The following CPQ variants were observed in gnomAD, a reference collection of about 807,000 sequenced individuals.
CPQ encodes carboxypeptidase Q, also known as Ser-Met dipeptidase.
A neutral mutation model predicts 45.7 loss-of-function variants in CPQ; 37 were observed. The observed-to-expected ratio is 0.81, with a 90% CI of 0.62 to 1.07. The LOEUF (loss-of-function observed/expected upper bound fraction) is 1.07, where lower values mean the gene tolerates loss of function less well. Among genes scored for constraint, CPQ ranks in the 50% least tolerant of loss-of-function variants. CPQ has a pLI of 0.00. For missense variants in CPQ, 537 were observed against 572.9 expected (o/e 0.94, Z 0.64); for synonymous variants, 186 against 205.8 (o/e 0.90, Z 0.82).
chr8:97,138,354 A>G (rs1563592144), intron 7 of CPQ, among the ~76,000 whole-genome samples: 1 of 152,166 alleles, frequency 6.6e-6, no homozygotes, highest in Non-Finnish European at 1.5e-5. Context: ...GGGAGTAGAT[A>G]GGGGAAAACT....
intron 4 of CPQ, among the ~76,000 whole-genome samples, chr8:96,914,044 A>AT (rs1465843110): frequency 1.3e-5 from 2 of 152,138 alleles, no homozygotes; most frequent in Non-Finnish European, 2.9e-5. Context: ...GACAAAACAG[A>AT]TTTTGTCATT....
intron 1 of CPQ, among the ~76,000 whole-genome samples, chr8:96,748,333 A>G (rs1304834001): frequency 1.3e-5 from 2 of 151,982 alleles, no homozygotes; most frequent in Non-Finnish European, 2.9e-5. Context: ...TCCAAGTATT[A>G]TTTATCTTTG....
At chr8:97,011,348 C>T (rs1374241758) in intron 5 of CPQ, among the ~76,000 whole-genome samples, 1 of 152,172 alleles carries the variant, frequency 6.6e-6, no homozygotes, top group Non-Finnish European at 1.5e-5. Flanking sequence ...CACTTTATCT[C>T]TTTAAAATTG....
At chr8:96,886,907 C>T (rs919081498) in intron 4 of CPQ, among the ~76,000 whole-genome samples, 7 of 152,284 alleles carry the variant, frequency 4.6e-5, no homozygotes, top group East Asian at 3.9e-4. Context: ...CGTCCTTTGT[C>T]GTCTCAGAGT....
intron 4 of CPQ, among the ~76,000 whole-genome samples, chr8:96,934,301 G>A (rs1460793577): frequency 6.6e-6 from 1 of 152,172 alleles, no homozygotes; most frequent in East Asian, 1.9e-4. Flanking sequence ...GTGTTGCTAT[G>A]GCATGGGAAG....
intron 2 of CPQ, among the ~76,000 whole-genome samples, chr8:96,834,685 A>T (rs1037675094): frequency 6.6e-6 from 1 of 152,210 alleles, no homozygotes. Context: ...GGAAAGAATT[A>T]AAAAAGAAGC....
Position 96,802,136 on chromosome 8 carries a change from G to A in CPQ, c.433+16806G>A, listed in dbSNP as rs372319994. Among the ~76,000 whole-genome samples, 352 of 151,310 alleles carry A rather than the reference G, an allele frequency of 2.3e-3. 4 individuals carry two copies. The highest frequency in any genetic ancestry group is 8.3e-3 in the African/African-American group (343 of 41,216). On this transcript the variant is annotated intron_variant, in intron 2 of 7. Transcript: ENST00000220763. ...TTTGTCTCTTTCTTTATTTTTGACT[G>A]TGTCTCTTTGTTTTTATCTCTTTTT...
rs776386723 is a variant in CPQ at position 96,880,006 on chromosome 8, G to T, written c.849+1G>T. 14 of 1,611,918 alleles carry T rather than the reference G, an allele frequency of 8.7e-6. No homozygotes were observed. Among genetic ancestry groups the T allele is most frequent in the South Asian group, 6.6e-5 (6 of 91,000 alleles). Reference sequence around the variant, plus strand: ...CACTGGGAGCAAATATCCAGAACAGGTGAGTGAAGGAGAAGGCTGGCCTAA... The same window carrying T: ...CACTGGGAGCAAATATCCAGAACAGTTGAGTGAAGGAGAAGGCTGGCCTAA... On this transcript the variant is annotated splice_donor_variant, in intron 4 of 7. Transcript: ENST00000220763. LOFTEE classifies it high-confidence loss of function.
Position 96,851,087 on chromosome 8 carries a change from A to G in CPQ, c.641+15907A>G, listed in dbSNP as rs186135036. Among the ~76,000 whole-genome samples the G allele has an allele frequency of 7.6e-3, 1,161 of 152,018 alleles. 9 individuals are homozygous for G. The highest frequency in any genetic ancestry group is 0.013 in the Non-Finnish European group (888 of 68,024). On this transcript the variant is annotated intron_variant, in intron 3 of 7. Coordinates refer to ENST00000220763, the MANE Select transcript of CPQ (RefSeq NM_016134.4). ...AGCTTTTATGTTTTGGATGCTTCAT[A>G]AATATCACCTCATTTGGACCCTTAC...
chr8:96,804,268 A>G (rs893502206), intron 2 of CPQ, among the ~76,000 whole-genome samples: 1 of 152,188 alleles, frequency 6.6e-6, no homozygotes, highest in Non-Finnish European at 1.5e-5. Flanking sequence ...AACCTTGCTA[A>G]GGCTCTTATG....
chr8:96,963,831 G>A (rs1327213210), intron 4 of CPQ, among the ~76,000 whole-genome samples: 2 of 151,888 alleles, frequency 1.3e-5, no homozygotes, highest in Non-Finnish European at 2.9e-5. Flanking sequence ...CCCCCTTTTT[G>A]TCACAAACCC....
chr8:96,919,373 C>A, intron 4 of CPQ, among the ~76,000 whole-genome samples: 1 of 152,122 alleles, frequency 6.6e-6, no homozygotes, highest in East Asian at 1.9e-4. Context: ...AGACAATAAA[C>A]ACATCTAGGG....
At chr8:96,983,542 T>C (rs1263809986) in intron 5 of CPQ, among the ~76,000 whole-genome samples, 1 of 152,298 alleles carries the variant, frequency 6.6e-6, no homozygotes, top group South Asian at 2.1e-4. Flanking sequence ...AAAGAAGATA[T>C]AGCCTCCCTT....
chr8:97,023,476 A>T (rs1438695638), intron 5 of CPQ, among the ~76,000 whole-genome samples: 3 of 152,208 alleles, frequency 2.0e-5, no homozygotes, highest in African/African-American at 7.2e-5. Flanking sequence ...ACCTATGGAA[A>T]TAAAAAAATA....
chr8:97,014,591 G>C (rs985674751), intron 5 of CPQ, among the ~76,000 whole-genome samples: 1 of 148,550 alleles, frequency 6.7e-6, no homozygotes, highest in Non-Finnish European at 1.5e-5. Flanking sequence ...GCAGTGAGCT[G>C]AGATTGCGCC....
At chr8:96,813,744 C>A (rs1044890662) in intron 2 of CPQ, among the ~76,000 whole-genome samples, 1 of 152,062 alleles carries the variant, frequency 6.6e-6, no homozygotes, top group African/African-American at 2.4e-5. Context: ...GGACTCATAA[C>A]GCCTGGTATA....
intron 2 of CPQ, among the ~76,000 whole-genome samples, chr8:96,792,027 T>C (rs1390013956): frequency 6.6e-6 from 1 of 152,216 alleles, no homozygotes; most frequent in African/African-American, 2.4e-5. Context: ...CCAGATTTTT[T>C]AACTTTTTAA....
intron 6 of CPQ, among the ~76,000 whole-genome samples, chr8:97,035,550 G>C (rs528559598): frequency 7.9e-5 from 12 of 152,124 alleles, no homozygotes; most frequent in African/African-American, 2.9e-4. Context: ...TTTATTTTTA[G>C]CCATTCTTAT....
chr8:97,072,819 C>T (rs776988287), intron 7 of CPQ, among the ~76,000 whole-genome samples: 5 of 152,142 alleles, frequency 3.3e-5, no homozygotes, highest in Non-Finnish European at 7.4e-5. Context: ...TCGTACAATG[C>T]CCTGTGTTCA....
Sources: allele counts gnomAD v4.1 joint callset (sites outside exome capture counted in the v4.1 genomes callset), GRCh38; gene constraint gnomAD v4.1.1; transcripts MANE v1.5; gene names NCBI Gene and HGNC (gene_info 2026-07-23, HGNC 2026-07-21).